SGCD: variants seen among roughly 807,000 people sequenced by gnomAD.
The protein encoded by SGCD is delta-sarcoglycan.
Under a neutral mutation model 36.6 loss-of-function variants are expected in SGCD, and 18 were observed. The ratio of observed to expected loss-of-function variants is 0.49; its 90% CI spans 0.34 to 0.73. SGCD has a LOEUF of 0.73. Among genes scored for constraint, SGCD ranks in the 30% least tolerant of loss-of-function variants. SGCD has a pLI of 0.01. For missense variants in SGCD, 387 were observed against 346.7 expected (o/e 1.12, Z -0.92); for synonymous variants, 133 against 130.6 (o/e 1.02, Z -0.12).
At chr5:156,077,103 G>A (rs760880902) in intron 1 of SGCD, among the ~76,000 whole-genome samples, 38 of 151,952 alleles carry the variant, frequency 2.5e-4, no homozygotes, top group Admixed American at 2.0e-3. Context: ...TTTCTGGATC[G>A]TCACGTGACT....
intron 1 of SGCD, among the ~76,000 whole-genome samples, chr5:156,070,430 C>T (rs1187794720): frequency 3.3e-5 from 5 of 151,116 alleles, no homozygotes; most frequent in Non-Finnish European, 7.4e-5. Flanking sequence ...TGCTGGATTA[C>T]ATTTATTGAT....
At chr5:155,727,943 G>C in the SGCD span, among the ~76,000 whole-genome samples, 2 of 152,204 alleles carry the variant, frequency 1.3e-5, no homozygotes, top group Non-Finnish European at 2.9e-5. Context: ...CTGTCCCCTT[G>C]GCGGAGACAC....
At chr5:155,946,933 T>G (rs1288772845) in intron 1 of SGCD, among the ~76,000 whole-genome samples, 1 of 152,170 alleles carries the variant, frequency 6.6e-6, no homozygotes, top group Non-Finnish European at 1.5e-5. Flanking sequence ...AAGCCCCTTA[T>G]TTTTATGGAC....
rs1765898884 is a variant in SGCD, at chr5:156,262,720, C to T, written c.-43-66814C>T. The stretch of plus-strand genomic sequence containing the variant: ...CTTTCCCCCAAGTCCCCAAAGTCCA[C>T]TGTATCAGTCTTATGCCTTTGCATC... On this transcript the variant is annotated intron_variant, in intron 3 of 9. Coordinates refer to the SGCD transcript ENST00000517913. 2.6e-5 allele frequency among the ~76,000 whole-genome samples: 4 copies of T among 152,012 alleles called. No individual in the cohort carries two copies. In the South Asian group the frequency reaches 8.3e-4, roughly 31 times the overall value.
intron 3 of SGCD, among the ~76,000 whole-genome samples, chr5:156,294,567 T>C (rs1397249908): frequency 1.3e-5 from 2 of 152,208 alleles, no homozygotes; most frequent in Non-Finnish European, 2.9e-5. Flanking sequence ...ATTCTAATCT[T>C]ATAGCAAATG....
At chr5:155,877,553 T>G (rs1755793166) in intron 1 of SGCD, among the ~76,000 whole-genome samples, 1 of 152,150 alleles carries the variant, frequency 6.6e-6, no homozygotes, top group Non-Finnish European at 1.5e-5. Flanking sequence ...CAGTTCAGAG[T>G]AAGCACTCAA....
At chr5:156,334,940 C>T (rs6893125) in intron 2 of SGCD, among the ~76,000 whole-genome samples, 66,520 of 151,916 alleles carry the variant, frequency 0.44, 14,892 homozygotes, top group East Asian at 0.78. Flanking sequence ...AAGTCTTTGC[C>T]TCAGCCTGTG....
intron 2 of SGCD, among the ~76,000 whole-genome samples, chr5:156,342,496 T>C (rs111362348): frequency 1.3e-5 from 2 of 152,248 alleles, no homozygotes; most frequent in African/African-American, 4.8e-5. Flanking sequence ...TTTTCTTATT[T>C]CATAGAATAT....
At chr5:155,745,631 A>T in the SGCD span, among the ~76,000 whole-genome samples, 2 of 152,030 alleles carry the variant, frequency 1.3e-5, no homozygotes, top group Non-Finnish European at 2.9e-5. Flanking sequence ...ACAACACAGG[A>T]TTAAGAAGTT....
chr5:156,177,568 G>T (rs1183131298), intron 3 of SGCD, among the ~76,000 whole-genome samples: 5 of 152,088 alleles, frequency 3.3e-5, no homozygotes, highest in Non-Finnish European at 4.4e-5. Flanking sequence ...TTTGTTTAAT[G>T]AGCTATATTA....
chr5:156,747,900 A>G (rs1426408218), intron 7 of SGCD, among the ~76,000 whole-genome samples: 2 of 152,164 alleles, frequency 1.3e-5, no homozygotes, highest in African/African-American at 2.4e-5. Flanking sequence ...TGCCTGTTCA[A>G]GAGAAATGAA....
intron 1 of SGCD, among the ~76,000 whole-genome samples, chr5:156,000,346 A>G (rs1399187163): frequency 6.6e-6 from 1 of 152,166 alleles, no homozygotes. Flanking sequence ...GATGACCCAA[A>G]CACAACCATA....
intron 3 of SGCD, among the ~76,000 whole-genome samples, chr5:156,225,262 A>C (rs1764822139): frequency 6.6e-6 from 1 of 152,160 alleles, no homozygotes; most frequent in African/African-American, 2.4e-5. Flanking sequence ...TTTGATGATA[A>C]GAAATGTAGC....
chr5:155,955,465 A>T (rs1757631928), intron 1 of SGCD, among the ~76,000 whole-genome samples: 1 of 152,162 alleles, frequency 6.6e-6, no homozygotes, highest in African/African-American at 2.4e-5. Context: ...TGGGCATTTG[A>T]CAGGAGCCTT....
intron 3 of SGCD, among the ~76,000 whole-genome samples, chr5:156,277,200 T>C (rs1422333033): frequency 6.6e-6 from 1 of 152,212 alleles, no homozygotes; most frequent in Non-Finnish European, 1.5e-5. Context: ...AAGCCTTACC[T>C]GTCCCTCTGC....
At chr5:156,097,650 C>T (rs189684538) in intron 1 of SGCD, among the ~76,000 whole-genome samples, 62 of 152,202 alleles carry the variant, frequency 4.1e-4, no homozygotes, top group Non-Finnish European at 3.8e-4. Flanking sequence ...GTTGTTGAGA[C>T]ATTTCTTCAA....
chr5:155,820,635 G>A, the SGCD span, among the ~76,000 whole-genome samples: 3 of 152,136 alleles, frequency 2.0e-5, no homozygotes, highest in African/African-American at 2.4e-5. Flanking sequence ...AGGTCAAGGC[G>A]GCAGTGAGCT....
chr5:156,548,261 G>A (rs756772751), intron 4 of SGCD, among the ~76,000 whole-genome samples: 5 of 152,306 alleles, frequency 3.3e-5, no homozygotes, highest in Non-Finnish European at 7.4e-5. Context: ...TTGGAGGATA[G>A]AAGTCGAATG....
chr5:155,969,894 G>A (rs1288094576), intron 1 of SGCD, among the ~76,000 whole-genome samples: 1 of 152,034 alleles, frequency 6.6e-6, no homozygotes, highest in Non-Finnish European at 1.5e-5. Context: ...CGACAAAAGA[G>A]GAAGCAGAAT....
Sources: allele counts gnomAD v4.1 joint callset (sites outside exome capture counted in the v4.1 genomes callset), GRCh38; gene constraint gnomAD v4.1.1; transcripts MANE v1.5; gene names NCBI Gene and HGNC (gene_info 2026-07-23, HGNC 2026-07-21).